ADGRV1: variants seen among roughly 807,000 people sequenced by gnomAD.
ADGRV1 encodes G-protein coupled receptor 98.
In ADGRV1, 359 loss-of-function variants were observed where a neutral mutation model predicts 596.2. The ratio of observed to expected loss-of-function variants is 0.60; its 90% CI spans 0.55 to 0.66. ADGRV1 has a LOEUF of 0.66. Among genes scored for constraint, ADGRV1 ranks in the 30% least tolerant of loss-of-function variants. ADGRV1 has a pLI of 0.00. For missense variants in ADGRV1, 7,274 were observed against 7,575.6 expected, an observed-to-expected ratio of 0.96 and a Z score of 1.48; for synonymous variants, 2,681 against 2,679.2, an observed-to-expected ratio of 1.00 and a Z score of -0.02.
chr5:90,689,915 G>A lies in ADGRV1; in HGVS notation c.6545G>A (p.Ser2182Asn). 1 of 1,613,396 alleles carries A rather than the reference G, an allele frequency of 6.2e-7. No individual in the cohort carries two copies. Among genetic ancestry groups the A allele is most frequent in the Non-Finnish European group, 8.5e-7 (1 of 1,179,592 alleles). The change falls in exon 30 of 90, where the codon AGT (serine) becomes AAT (asparagine). Residue 2182 changes from serine (S) to asparagine (N), a missense_variant. Ser to Asn is a conservative substitution (Grantham distance 46). Coordinates refer to ENST00000405460, the MANE Select transcript of ADGRV1 (RefSeq NM_032119.4). ...SDVVLLEGETSKAVPIYVIND... is the reference protein window; with the variant it reads ...SDVVLLEGETNKAVPIYVIND... ...GTGGTCTTGCTAGAAGGGGAAACCAGTAAAGCCGTGCCAATATATGTCATT... is the reference window on the plus strand; with the variant it reads ...GTGGTCTTGCTAGAAGGGGAAACCAATAAAGCCGTGCCAATATATGTCATT...
intron 1 of ADGRV1, among the ~76,000 whole-genome samples, chr5:90,579,992 A>T (rs1386799316): frequency 6.6e-6 from 1 of 151,610 alleles, no homozygotes; most frequent in Non-Finnish European, 1.5e-5. Flanking sequence ...CTTTATTTTG[A>T]GCCTATGTGC....
Position 90,647,726 on chromosome 5 carries a change from C to G in ADGRV1, c.3251C>G (p.Thr1084Arg). ...GTTAATGAAGATGGTATCCCGGAAACAGATGAGCCCTTTTATATAATCCTC... is the reference window on the plus strand; with the variant it reads ...GTTAATGAAGATGGTATCCCGGAAAGAGATGAGCCCTTTTATATAATCCTC... Reference protein sequence around the residue: ...IFVNEDGIPETDEPFYIILLN... With the variant: ...IFVNEDGIPERDEPFYIILLN... Residue 1084 changes from threonine (T) to arginine (R), a missense_variant, in exon 17 of 90, where the codon ACA (threonine) becomes AGA (arginine). Transcript: ENST00000405460. 6.2e-7 allele frequency: 1 copy of G among 1,613,736 alleles called. No individual in the cohort carries two copies. Among genetic ancestry groups the G allele is most frequent in the East Asian group, 2.2e-5 (1 of 44,868 alleles).
rs753122470 is a variant in ADGRV1, at chr5:90,617,781, G to A, written c.208-23G>A. 2.6e-6 allele frequency: 4 copies of A among 1,568,600 alleles called. No homozygotes were observed. In the East Asian group the frequency reaches 9.2e-5, roughly 36 times the overall value. ...TCCTAATACTGTGTTAAATAAGAAT[G>A]ATCTATATTTTGCATTTGATAGCTG... On this transcript the variant is annotated intron_variant, in intron 2 of 89. Transcript: ENST00000405460.
At chr5:90,775,947 A>G (rs1193723461) in intron 60 of ADGRV1, among the ~76,000 whole-genome samples, 1 of 152,186 alleles carries the variant, frequency 6.6e-6, no homozygotes, top group African/African-American at 2.4e-5. Flanking sequence ...AGTTATATGG[A>G]TACTCAAATA....
rs1048334759 is a variant in ADGRV1 at position 90,799,742 on chromosome 5, T to C, written c.14518-2997T>C. Among the ~76,000 whole-genome samples, 67 of 152,010 alleles carry C rather than the reference T, an allele frequency of 4.4e-4. 1 individual carries two copies. The highest frequency in any genetic ancestry group is 7.3e-5 in the Non-Finnish European group (5 of 68,028). ...GTACCAAAACAGATATATAGACCAATGGAACAGAACAGAGGCCTCAGAAAT... is the reference window on the plus strand; with the variant it reads ...GTACCAAAACAGATATATAGACCAACGGAACAGAACAGAGGCCTCAGAAAT... On this transcript the variant is annotated intron_variant, in intron 70 of 89. Coordinates refer to ENST00000405460, the MANE Select transcript of ADGRV1 (RefSeq NM_032119.4).
chr5:90,729,657 T>C lies in ADGRV1; in HGVS notation c.10442T>C (p.Ile3481Thr), dbSNP rs1752277367. 3.7e-6 allele frequency: 6 copies of C among 1,605,814 alleles called. No individual in the cohort carries two copies. Among genetic ancestry groups the C allele is most frequent in the Middle Eastern group, 1.7e-4 (1 of 6,050 alleles). Residue 3481 changes from isoleucine (I) to threonine (T), a missense_variant, in exon 50 of 90, where the codon ATT becomes ACT. Physicochemically the swap from Ile to Thr is moderately conservative, Grantham distance 89. Around this residue, in one of 5 missense-constraint regions of ADGRV1, gnomAD observed 3,643 missense variants for 3,809.2 expected, o/e 0.96. Coordinates refer to ENST00000405460, the MANE Select transcript of ADGRV1 (RefSeq NM_032119.4). ...ATTATTGCAGGAGATCAGAATTCAATTGATATTTTCATCTGGGAGATGGGA... is the reference window on the plus strand; with the variant it reads ...ATTATTGCAGGAGATCAGAATTCAACTGATATTTTCATCTGGGAGATGGGA... Reference protein sequence around the residue: ...ENVFLGDQNSIDIFIWEMGQS... With the variant: ...ENVFLGDQNSTDIFIWEMGQS...
chr5:91,010,295 A>G (rs1413484343), intron 85 of ADGRV1, among the ~76,000 whole-genome samples: 1 of 152,066 alleles, frequency 6.6e-6, no homozygotes, highest in Non-Finnish European at 1.5e-5. Context: ...CAAAAGAATC[A>G]CCTAAATATG....
chr5:91,038,390 G>A (rs529512027), intron 85 of ADGRV1, among the ~76,000 whole-genome samples: 1 of 152,314 alleles, frequency 6.6e-6, no homozygotes, highest in African/African-American at 2.4e-5. Context: ...GGGATTTGTT[G>A]TAGGGGAAGG....
At chr5:90,743,857 G>A (rs1005363231) in intron 50 of ADGRV1, among the ~76,000 whole-genome samples, 2 of 151,922 alleles carry the variant, frequency 1.3e-5, no homozygotes, top group African/African-American at 4.8e-5. Flanking sequence ...TTTTCTCCCA[G>A]TTTTATTTAA....
chr5:90,608,998 T>C (rs1226562279), intron 1 of ADGRV1, among the ~76,000 whole-genome samples: 1 of 152,154 alleles, frequency 6.6e-6, no homozygotes, highest in Non-Finnish European at 1.5e-5. Context: ...TGATGGTATG[T>C]ATCTGAGACA....
intron 85 of ADGRV1, among the ~76,000 whole-genome samples, chr5:91,042,444 G>T (rs912191788): frequency 1.3e-5 from 2 of 152,172 alleles, no homozygotes; most frequent in Admixed American, 1.3e-4. Context: ...ATGTTATATT[G>T]CCTAAGCAGG....
intron 76 of ADGRV1, among the ~76,000 whole-genome samples, chr5:90,827,400 G>A (rs1395351536): frequency 1.3e-5 from 2 of 152,010 alleles, no homozygotes; most frequent in Non-Finnish European, 2.9e-5. Flanking sequence ...TGATATGTAG[G>A]CACCCATCTT....
intron 83 of ADGRV1, among the ~76,000 whole-genome samples, chr5:90,884,505 C>T (rs879870453): frequency 2.0e-5 from 3 of 152,112 alleles, no homozygotes; most frequent in East Asian, 1.9e-4. Context: ...AGAGCTGCTA[C>T]ATTTTTACAG....
intron 65 of ADGRV1, among the ~76,000 whole-genome samples, chr5:90,782,012 C>G (rs535571942): frequency 6.6e-6 from 1 of 152,250 alleles, no homozygotes; most frequent in African/African-American, 2.4e-5. Flanking sequence ...TTTCTCGAAA[C>G]AGTCCCCAGT....
chr5:90,872,423 T>TTGTGTGTGTG (rs55743704), intron 83 of ADGRV1, among the ~76,000 whole-genome samples: 10 of 147,338 alleles, frequency 6.8e-5, no homozygotes, highest in African/African-American at 1.5e-4. Flanking sequence ...TGGTATGAGC[T>TTGTGTGTGTG]TGTGTGTGTG....
chr5:90,912,954 C>T (rs1025884240), intron 83 of ADGRV1, among the ~76,000 whole-genome samples: 1 of 152,130 alleles, frequency 6.6e-6, no homozygotes, highest in Non-Finnish European at 1.5e-5. Flanking sequence ...AAATTTGGGA[C>T]TTTGATGTTG....
At chr5:90,819,430 A>AT (rs1235833427) in intron 75 of ADGRV1, among the ~76,000 whole-genome samples, 1 of 150,426 alleles carries the variant, frequency 6.6e-6, no homozygotes, top group Non-Finnish European at 1.5e-5. Context: ...TTCTGCTCTG[A>AT]TTTTAGTTAT....
At chr5:91,097,734 T>C (rs531984917) in intron 86 of ADGRV1, among the ~76,000 whole-genome samples, 2 of 152,258 alleles carry the variant, frequency 1.3e-5, no homozygotes, top group African/African-American at 4.8e-5. Context: ...TCACCAACAC[T>C]TACTATTTCT....
At chr5:90,822,959 T>C (rs1353463999) in intron 75 of ADGRV1, among the ~76,000 whole-genome samples, 6 of 152,188 alleles carry the variant, frequency 3.9e-5, no homozygotes, top group Admixed American at 3.3e-4. Flanking sequence ...AGGGTGCTTG[T>C]GATTTCTGTA....
Sources: gnomAD v4.1 joint callset for allele counts (sites outside exome capture counted in the v4.1 genomes callset) on GRCh38, gnomAD v4.1.1 for gene constraint, gnomAD v4.1.1 regional missense constraint, MANE v1.5 for transcripts, NCBI Gene and HGNC (gene_info 2026-07-23, HGNC 2026-07-21) for gene names.